Variants in CEP350 observed in about 807,000 individuals in gnomAD.
CEP350 encodes the protein centrosome-associated protein 350.
In CEP350, 126 loss-of-function variants were observed where a neutral mutation model predicts 331.8. The observed-to-expected ratio is 0.38, with a 90% CI of 0.33 to 0.44. The LOEUF is 0.44. Among genes scored for constraint, CEP350 ranks in the 20% least tolerant of loss-of-function variants. The pLI, the probability that CEP350 is intolerant of heterozygous loss-of-function variation, is 1.00. For synonymous variants in CEP350, 1,200 were observed against 1,259.5 expected (o/e 0.95, Z 1.00); for missense variants, 3,406 against 3,634.6 (o/e 0.94, Z 1.62).
chr1:180,077,931 G>C (rs1397538650), intron 28 of CEP350, among the ~76,000 whole-genome samples: 1 of 152,012 alleles, frequency 6.6e-6, no homozygotes, highest in African/African-American at 2.4e-5. Flanking sequence ...GTCAGAGTTG[G>C]AGACCAGCCT....
chr1:180,006,749 C>T (rs1413825445), intron 8 of CEP350, among the ~76,000 whole-genome samples, 182 bp downstream of exon 8: 1 of 152,130 alleles, frequency 6.6e-6, no homozygotes, highest in Non-Finnish European at 1.5e-5. Flanking sequence ...CTAATGCTAT[C>T]CCTCTCCTGC....
chr1:180,072,605 T>C (rs1220620582), intron 27 of CEP350, among the ~76,000 whole-genome samples: 1 of 152,204 alleles, frequency 6.6e-6, no homozygotes, highest in African/African-American at 2.4e-5. Context: ...TGAATTTCAG[T>C]GCAGAAAATC....
Position 180,065,198 on chromosome 1 carries a change from C to G in CEP350, c.5493C>G (p.Pro1831=). 1 of 1,613,796 alleles carries G rather than the reference C, an allele frequency of 6.2e-7. No individual in the cohort carries two copies. Among genetic ancestry groups the G allele is most frequent in the Non-Finnish European group, 8.5e-7 (1 of 1,179,806 alleles). ...PTDLETRSPS[P]ISISSSETSS... ...ACTTGGAGACCCGCAGTCCTTCTCC[C>G]ATTTCAATCTCCAGCAGTGAAACTA... The change falls in exon 27 of 38, where the codon CCC becomes CCG. Residue 1831 remains proline, a synonymous_variant. Coordinates refer to ENST00000367607, the MANE Select transcript of CEP350 (RefSeq NM_014810.5).
At chr1:180,094,969 A>G (rs954315805) in intron 34 of CEP350, among the ~76,000 whole-genome samples, 2 of 152,212 alleles carry the variant, frequency 1.3e-5, no homozygotes, top group Admixed American at 6.5e-5. Flanking sequence ...AATTCGTTCC[A>G]TGGAGCTTTC....
In CEP350 at chr1:180,111,308, A is replaced by T. The variant is rs112080252; in HGVS notation, c.*147A>T. On this transcript the variant is annotated 3_prime_UTR_variant, in exon 38 of 38. Coordinates refer to ENST00000367607, the MANE Select transcript of CEP350 (RefSeq NM_014810.5). ...CTACCAGTATGGAGTTCATAGGACA[A>T]TGTGGTACACCTGGTATTACAGCCT... 3 of 909,946 alleles carry T rather than the reference A, an allele frequency of 3.3e-6. No individual in the cohort carries two copies. Among genetic ancestry groups the T allele is most frequent in the Non-Finnish European group, 4.9e-6 (3 of 615,190 alleles). The allele number at this position is 909,946 out of a possible 1,614,324, so 56.4% of individuals were successfully genotyped here.
chr1:179,999,632 A>T (rs1033082794), intron 6 of CEP350, among the ~76,000 whole-genome samples: 2 of 152,178 alleles, frequency 1.3e-5, no homozygotes, highest in Admixed American at 6.5e-5. Context: ...AGATGAGTAT[A>T]CCTTGAAAAG....
rs939651683 is a variant in CEP350, at chr1:180,014,384, A to G, written c.1931A>G (p.Lys644Arg). Residue 644 changes from lysine (K) to arginine (R), a missense_variant, in exon 10 of 38, where the codon AAA becomes AGA. Physicochemically the swap from Lys to Arg is conservative, Grantham distance 26. Coordinates refer to ENST00000367607, the MANE Select transcript of CEP350 (RefSeq NM_014810.5). ...RKQKEAFTKV[K>R]NVPPSEPSAT... ...CAGAAGGAAGCCTTTACTAAAGTAA[A>G]AAATGTCCCTCCTTCTGAGCCATCA... The G allele has an allele frequency of 6.3e-7, 1 of 1,598,326 alleles. No homozygotes were observed. Among genetic ancestry groups the G allele is most frequent in the Middle Eastern group, 1.7e-4 (1 of 6,046 alleles).
chr1:180,009,359 C>T (rs1254719047), intron 8 of CEP350, among the ~76,000 whole-genome samples: 1 of 152,164 alleles, frequency 6.6e-6, no homozygotes, highest in African/African-American at 2.4e-5. Context: ...TTATGTAATA[C>T]TGTTGTCAGA....
chr1:180,060,758 A>G lies in CEP350; in HGVS notation c.5263-1462A>G, dbSNP rs550146662. Reference sequence around the variant, plus strand: ...AAAAGGCGTAAATTAGCATGGTGAAATATCAAAAGTGATATCTAGTAAAGC... The same window carrying G: ...AAAAGGCGTAAATTAGCATGGTGAAGTATCAAAAGTGATATCTAGTAAAGC... On this transcript the variant is annotated intron_variant, in intron 25 of 37. Coordinates refer to ENST00000367607, the MANE Select transcript of CEP350 (RefSeq NM_014810.5). Among the ~76,000 whole-genome samples the G allele has an allele frequency of 1.3e-4, 20 of 152,358 alleles. No homozygotes were observed. The South Asian group carries it at 4.1e-3, about 32-fold the overall frequency.
At chr1:179,957,800 AG>A (rs1367012525) in intron 1 of CEP350, among the ~76,000 whole-genome samples, 1 of 152,214 alleles carries the variant, frequency 6.6e-6, no homozygotes, top group Non-Finnish European at 1.5e-5. Context: ...TGATTTGCCT[AG>A]GTGCTCTGGC....
In CEP350 at chr1:180,044,107, A is replaced by G. The variant is rs1656957233; in HGVS notation, c.4556A>G (p.His1519Arg). Residue 1519 changes from histidine to arginine, a missense_variant, in exon 21 of 38, where the codon CAT becomes CGT. Transcript: ENST00000367607. ...QSKEGTLDSK[H>R]QKYSASYDSY... ...AAAGAAGGGACCCTTGACTCAAAGCATCAGAAGTATTCTGCTTCATATGAT... is the reference window on the plus strand; with the variant it reads ...AAAGAAGGGACCCTTGACTCAAAGCGTCAGAAGTATTCTGCTTCATATGAT... The G allele has an allele frequency of 1.3e-6, 2 of 1,562,688 alleles. No homozygotes were observed. Among genetic ancestry groups the G allele is most frequent in the African/African-American group, 1.4e-5 (1 of 73,836 alleles).
rs1660641382 is a variant in CEP350 at position 180,098,910 on chromosome 1, G to A, written c.9114G>A (p.Glu3038=). The change falls in exon 37 of 38, where the codon GAG becomes GAA. Residue 3038 remains glutamate, a synonymous_variant. Coordinates refer to ENST00000367607, the MANE Select transcript of CEP350 (RefSeq NM_014810.5). The part of the protein sequence containing the change: ...EVLKLFSLKK[E]PNHKTDWQKM... ...TCAAGTTGTTCAGTCTTAAAAAGGA[G>A]CCAAACCACAAAACAGATTGGCAGA... 1.2e-6 allele frequency: 2 copies of A among 1,613,390 alleles called. No homozygotes were observed. Among genetic ancestry groups the A allele is most frequent in the African/African-American group, 2.7e-5 (2 of 74,874 alleles).
chr1:180,013,551 A>G (rs1042368396), intron 9 of CEP350, among the ~76,000 whole-genome samples: 2 of 152,186 alleles, frequency 1.3e-5, no homozygotes, highest in African/African-American at 2.4e-5. Context: ...AGAGAAATCG[A>G]AATGCTAAAT....
At chr1:180,103,988 CA>C (rs1445610596) in intron 37 of CEP350, among the ~76,000 whole-genome samples, 1 of 143,976 alleles carries the variant, frequency 6.9e-6, no homozygotes, top group Non-Finnish European at 1.5e-5. Flanking sequence ...AAAATATATA[CA>C]AATATATATT....
At chr1:180,025,025 T>C (rs4639713) in intron 14 of CEP350, among the ~76,000 whole-genome samples, 128,056 of 151,094 alleles carry the variant, frequency 0.85, 54,488 homozygotes, top group South Asian at 0.94. Flanking sequence ...CCCAGGTTCA[T>C]GCCATTCTCC....
chr1:180,096,342 T>G (rs901851492), intron 36 of CEP350, among the ~76,000 whole-genome samples, 158 bp downstream of exon 36: 1 of 151,200 alleles, frequency 6.6e-6, no homozygotes, highest in Admixed American at 6.6e-5. Context: ...GTTGACTTAC[T>G]GAATCCATGA....
At position 180,013,918 on chromosome 1, in the gene CEP350, G is replaced by C. The variant is rs144920739; in HGVS notation, c.1465G>C (p.Glu489Gln). Residue 489 changes from glutamate (E) to glutamine (Q), a missense_variant, in exon 10 of 38, where the codon GAA becomes CAA. By Grantham distance (29) the Glu-to-Gln change is conservative. Transcript: ENST00000367607. ...ACATAGACATCTTCAAAGAAACTCA[G>C]AACGTTCGAGAAGTAAATCTCGGTC... Reference protein sequence around the residue: ...VLHRHLQRNSERSRSKSRSEN... With the variant: ...VLHRHLQRNSQRSRSKSRSEN... 6 of 1,613,644 alleles carry C rather than the reference G, an allele frequency of 3.7e-6. No individual in the cohort carries two copies. The African/African-American group carries it at 8.0e-5, about 22-fold the overall frequency.
chr1:179,996,643 G>A lies in CEP350; in HGVS notation c.486G>A (p.Glu162=). Residue 162 remains glutamate (E), a synonymous_variant, in exon 6 of 38, where the codon GAG becomes GAA. Transcript: ENST00000367607. The stretch of plus-strand genomic sequence containing the variant: ...TAGATGTTAATGAAGAAAAGACTGA[G>A]AGCGGTAACTGGATGATAGGCAGTC... ...YCVDVNEEKT[E]SGNWMIGSRE... is the part of the protein sequence containing the mutation. 6.2e-7 allele frequency: 1 copy of A among 1,612,610 alleles called. No individual in the cohort carries two copies.
At chr1:179,992,308 A>G in intron 5 of CEP350, 87 bp downstream of exon 5, 1 of 1,106,694 alleles carries the variant, frequency 9.0e-7, no homozygotes, top group Non-Finnish European at 1.2e-6. Context: ...TGAGTTTTTT[A>G]TAGCACTCTG....
Sources: gnomAD v4.1 joint callset for allele counts (sites outside exome capture counted in the v4.1 genomes callset) on GRCh38, gnomAD v4.1.1 for gene constraint, MANE v1.5 for transcripts, NCBI Gene and HGNC (gene_info 2026-07-23, HGNC 2026-07-21) for gene names.